The following LAMA2 variants were observed in gnomAD, a reference collection of about 807,000 sequenced individuals.
LAMA2 encodes the protein laminin subunit alpha-2.
Under a neutral mutation model 364.8 loss-of-function variants are expected in LAMA2, and 269 were observed. The ratio of observed to expected loss-of-function variants is 0.74; its 90% CI spans 0.67 to 0.82. The LOEUF is 0.82. Ranked by LOEUF, LAMA2 falls within the 40% of genes least tolerant of loss-of-function variation. The pLI, the probability that LAMA2 is intolerant of heterozygous loss-of-function variation, is 0.00. For synonymous variants in LAMA2, 1,379 were observed against 1,370.6 expected (o/e 1.01, Z -0.14); for missense variants, 3,807 against 3,873.2 (o/e 0.98, Z 0.45).
intron 3 of LAMA2, among the ~76,000 whole-genome samples, chr6:129,088,853 C>T (rs1015070983): frequency 6.6e-6 from 1 of 151,850 alleles, no homozygotes; most frequent in Non-Finnish European, 1.5e-5. Context: ...CAGAGGGGCT[C>T]CTTACATCCC....
chr6:129,235,408 G>T (rs568523209), intron 12 of LAMA2, among the ~76,000 whole-genome samples: 5 of 152,102 alleles, frequency 3.3e-5, no homozygotes, highest in Admixed American at 6.6e-5. Context: ...CAATAATAAT[G>T]GTCCCCTACA....
At chr6:129,094,737 T>C (rs1300286799) in intron 3 of LAMA2, among the ~76,000 whole-genome samples, 1 of 152,212 alleles carries the variant, frequency 6.6e-6, no homozygotes. Context: ...CAGGCTCACT[T>C]GGAATATTTA....
At chr6:129,170,051 CT>C (rs1196240112) in intron 9 of LAMA2, among the ~76,000 whole-genome samples, 1 of 151,886 alleles carries the variant, frequency 6.6e-6, no homozygotes, top group East Asian at 1.9e-4. Context: ...ATTCTTCTCT[CT>C]TTTTTTCTTT....
At chr6:129,450,711 TA>T in intron 45 of LAMA2, among the ~76,000 whole-genome samples, 1 of 152,194 alleles carries the variant, frequency 6.6e-6, no homozygotes, top group Non-Finnish European at 1.5e-5. Context: ...ATTTATTAAA[TA>T]AAAATGAAGT....
intron 1 of LAMA2, among the ~76,000 whole-genome samples, chr6:129,029,917 A>G (rs748480127): frequency 6.6e-6 from 1 of 151,942 alleles, no homozygotes; most frequent in Non-Finnish European, 1.5e-5. Context: ...CTGTTAATTG[A>G]CTCAGATCTG....
intron 48 of LAMA2, among the ~76,000 whole-genome samples, chr6:129,459,309 G>A (rs900917470): frequency 6.6e-6 from 1 of 152,044 alleles, no homozygotes; most frequent in African/African-American, 2.4e-5. Flanking sequence ...TATGTGATCT[G>A]TCATTTACCA....
intron 1 of LAMA2, chr6:128,929,666 T>C: frequency 4.9e-6 from 7 of 1,426,184 alleles, no homozygotes; most frequent in Non-Finnish European, 4.9e-6. Context: ...GGTTTGTCAC[T>C]GAAGCCAACG....
At chr6:128,963,694 A>G (rs562321155) in intron 1 of LAMA2, among the ~76,000 whole-genome samples, 3 of 152,092 alleles carry the variant, frequency 2.0e-5, no homozygotes, top group Non-Finnish European at 4.4e-5. Flanking sequence ...CAGACTCATC[A>G]TTTTGGCCTT....
intron 30 of LAMA2, among the ~76,000 whole-genome samples, chr6:129,343,286 C>A (rs1272786025): frequency 1.3e-5 from 2 of 152,164 alleles, no homozygotes; most frequent in African/African-American, 4.8e-5. Flanking sequence ...TGTTAAACAG[C>A]CACAGAGCAA....
At chr6:129,399,680 G>A (rs1779855781) in intron 37 of LAMA2, among the ~76,000 whole-genome samples, 1 of 152,072 alleles carries the variant, frequency 6.6e-6, no homozygotes, top group African/African-American at 2.4e-5. Context: ...ATGGAGGGAG[G>A]ACACAAGCCA....
At chr6:129,195,961 T>C (rs538904047) in intron 12 of LAMA2, among the ~76,000 whole-genome samples, 19 of 152,322 alleles carry the variant, frequency 1.2e-4, no homozygotes, top group African/African-American at 4.1e-4. Context: ...AGCAATTCTC[T>C]TTGCATCTGT....
chr6:129,512,228 A>T, intron 62 of LAMA2, 135 bp from the exon 63 acceptor site: 1 of 795,024 alleles, frequency 1.3e-6, no homozygotes, highest in South Asian at 1.7e-5. Flanking sequence ...GCCAGGCAGG[A>T]TCTGAAACTT....
chr6:129,292,713 G>C (rs117634573), intron 20 of LAMA2: 1 of 733,482 alleles, frequency 1.4e-6, no homozygotes, highest in African/African-American at 1.9e-5. Context: ...CCTTACTGTA[G>C]GAAGTTTGAA....
At chr6:129,456,533 T>C (rs1782973524) in intron 48 of LAMA2, 39 bp downstream of exon 48, 1 of 1,563,160 alleles carries the variant, frequency 6.4e-7, no homozygotes, top group Admixed American at 1.7e-5. Context: ...TTCATCTTTG[T>C]TGACATCTCC....
At chr6:129,427,575 C>T (rs1435073601) in intron 40 of LAMA2, among the ~76,000 whole-genome samples, 177 bp from the exon 41 acceptor site, 7 of 152,140 alleles carry the variant, frequency 4.6e-5, no homozygotes, top group Admixed American at 1.3e-4. Context: ...CTTCTCATAC[C>T]GTAATAAACA....
At chr6:129,428,992 T>C (rs1484620118) in intron 41 of LAMA2, among the ~76,000 whole-genome samples, 1 of 152,190 alleles carries the variant, frequency 6.6e-6, no homozygotes, top group East Asian at 1.9e-4. Context: ...CTTACCTAAG[T>C]ATTCATAATT....
chr6:129,088,258 A>C (rs1390309163), intron 3 of LAMA2, among the ~76,000 whole-genome samples: 1 of 151,940 alleles, frequency 6.6e-6, no homozygotes, highest in Non-Finnish European at 1.5e-5. Flanking sequence ...AATCTTTCTT[A>C]GTACAGAACA....
chr6:128,891,456 G>A (rs1195105058), intron 1 of LAMA2, among the ~76,000 whole-genome samples: 1 of 152,032 alleles, frequency 6.6e-6, no homozygotes, highest in Non-Finnish European at 1.5e-5. Flanking sequence ...ATTGGATGAG[G>A]CTGAAAGTTT....
Position 129,022,015 on chromosome 6 carries a change from T to G in LAMA2, c.113-27903T>G, listed in dbSNP as rs572532033. Among the ~76,000 whole-genome samples, 6 of 152,322 alleles carry G rather than the reference T, an allele frequency of 3.9e-5. No individual in the cohort carries two copies. The East Asian group carries it at 1.2e-3, about 29-fold the overall frequency. Reference sequence around the variant, plus strand: ...TTTCATCCATTGGAGAGTTCTCCAGTGCTTTAAACAATATTAGAAAGAAAA... The same window carrying G: ...TTTCATCCATTGGAGAGTTCTCCAGGGCTTTAAACAATATTAGAAAGAAAA... On this transcript the variant is annotated intron_variant, in intron 1 of 64. Coordinates refer to ENST00000421865, the MANE Select transcript of LAMA2 (RefSeq NM_000426.4).
Sources: allele counts gnomAD v4.1 joint callset (sites outside exome capture counted in the v4.1 genomes callset), GRCh38; gene constraint gnomAD v4.1.1; transcripts MANE v1.5; gene names NCBI Gene and HGNC (gene_info 2026-07-23, HGNC 2026-07-21).